Variants in PFKL observed in about 807,000 individuals in gnomAD.
PFKL encodes the protein phosphofructokinase, liver type.
A neutral mutation model predicts 92.1 loss-of-function variants in PFKL; 74 were observed. The ratio of observed to expected loss-of-function variants is 0.80; its 90% CI spans 0.67 to 0.97. The LOEUF (loss-of-function observed/expected upper bound fraction) is 0.97. Ranked by LOEUF, PFKL falls within the 50% of genes least tolerant of loss-of-function variation. The probability of loss-of-function intolerance (pLI) is 0.00; values close to 1 mark genes in which losing one functional copy is unlikely to be tolerated. For missense variants in PFKL, 1,028 were observed against 1,116.6 expected (o/e 0.92, Z 1.13); for synonymous variants, 494 against 456.4 (o/e 1.08, Z -1.05).
Position 44,318,381 on chromosome 21 carries a change from A to G in PFKL, c.937-89A>G. ...TTCCGTCAGCGTGGGGGGCTCTGGA[A>G]GCTGGGGTTTGCACATCTACAGAGG... On this transcript the variant is annotated intron_variant, in intron 9 of 21. Transcript: ENST00000349048. The G allele has an allele frequency of 2.3e-6, 3 of 1,321,954 alleles. No homozygotes were observed. In the South Asian group the frequency reaches 6.2e-5, roughly 27 times the overall value. The allele number at this position is 1,321,954 out of a possible 1,614,324, so 81.9% of individuals were successfully genotyped here.
chr21:44,312,403 G>T, intron 4 of PFKL, 109 bp downstream of exon 4: 1 of 1,032,042 alleles, frequency 9.7e-7, no homozygotes, highest in Non-Finnish European at 1.4e-6. Flanking sequence ...GTGCCCCGAG[G>T]CAGAGGAGGG....
At chr21:44,321,520 C>A (rs1327602569) in intron 12 of PFKL, 1 of 453,856 alleles carries the variant, frequency 2.2e-6, no homozygotes, top group Non-Finnish European at 3.8e-6. Flanking sequence ...CAGGCTTGCA[C>A]CGTGTCTCTT....
intron 6 of PFKL, 44 bp from the exon 7 acceptor site, chr21:44,313,869 C>T (rs74979720): frequency 0.079 from 117,500 of 1,479,800 alleles, 5,142 homozygotes; most frequent in African/African-American, 0.12. Flanking sequence ...CTCCCCTCAA[C>T]GGCTGGGTGG....
intron 10 of PFKL, 111 bp downstream of exon 10, chr21:44,318,706 G>T: frequency 9.8e-7 from 1 of 1,016,290 alleles, no homozygotes; most frequent in Non-Finnish European, 1.3e-6. Context: ...GGAGGGCAGG[G>T]CCTCGTGGCT....
At chr21:44,323,619 G>C (rs892197299) in intron 15 of PFKL, 147 bp from the exon 16 acceptor site, 3 of 769,652 alleles carry the variant, frequency 3.9e-6, no homozygotes, top group African/African-American at 1.7e-5. Context: ...CCAGCCCCAG[G>C]GGATTGAGCA....
chr21:44,304,099 ATG>A (rs2040857724), intron 1 of PFKL, among the ~76,000 whole-genome samples: 2 of 151,408 alleles, frequency 1.3e-5, no homozygotes, highest in Non-Finnish European at 2.9e-5. Flanking sequence ...CAAAGTGGCC[ATG>A]TGACATGGCC....
Position 44,327,143 on chromosome 21 carries a change from G to C in PFKL, c.*281G>C, listed in dbSNP as rs1319516447. 2.0e-6 allele frequency: 1 copy of C among 490,704 alleles called. No individual in the cohort carries two copies. Among genetic ancestry groups the C allele is most frequent in the East Asian group, 3.5e-5 (1 of 28,382 alleles). 30.4% of individuals were successfully genotyped at this position (490,704 alleles called of 1,614,324 possible). ...GCGCTGTCGGTGTTTGGAGGCTGCTGCCCCCTGGCTTTGGCGCCCCATGGG... is the reference window on the plus strand; with the variant it reads ...GCGCTGTCGGTGTTTGGAGGCTGCTCCCCCCTGGCTTTGGCGCCCCATGGG... On this transcript the variant is annotated 3_prime_UTR_variant, in exon 22 of 22. Coordinates refer to ENST00000349048, the MANE Select transcript of PFKL (RefSeq NM_002626.6).
chr21:44,317,632 C>T (rs1014475214), intron 9 of PFKL, among the ~76,000 whole-genome samples: 4 of 152,186 alleles, frequency 2.6e-5, no homozygotes, highest in South Asian at 2.1e-4. Flanking sequence ...CGCCCCTAGC[C>T]GCGGCTGTCA....
chr21:44,309,927 G>A (rs1206314449), intron 2 of PFKL, among the ~76,000 whole-genome samples: 2 of 152,242 alleles, frequency 1.3e-5, no homozygotes, highest in Non-Finnish European at 2.9e-5. Context: ...GCGCCCCGCA[G>A]CGCGCACTAT....
intron 1 of PFKL, among the ~76,000 whole-genome samples, chr21:44,302,133 G>T (rs1195070977): frequency 6.6e-6 from 1 of 152,212 alleles, no homozygotes; most frequent in African/African-American, 2.4e-5. Context: ...ATATGGAGTG[G>T]GCAGCGCTTC....
intron 9 of PFKL, 92 bp from the exon 10 acceptor site, chr21:44,318,378 G>T (rs528648626): frequency 2.3e-6 from 3 of 1,317,920 alleles, no homozygotes; most frequent in African/African-American, 1.5e-5. Context: ...GGGGGGCTCT[G>T]GAAGCTGGGG....
intron 2 of PFKL, among the ~76,000 whole-genome samples, chr21:44,310,154 C>T (rs1304955740): frequency 1.3e-5 from 2 of 152,254 alleles, no homozygotes; most frequent in Non-Finnish European, 2.9e-5. Context: ...CCGCCCTTCT[C>T]CTCTCCACAC....
chr21:44,326,306 G>A, intron 21 of PFKL, 42 bp downstream of exon 21: 1 of 1,449,694 alleles, frequency 6.9e-7, no homozygotes, highest in Non-Finnish European at 9.6e-7. Flanking sequence ...TGGGGCTGAG[G>A]GGTGGCCCAG....
chr21:44,319,480 C>A, intron 11 of PFKL, 65 bp downstream of exon 11: 2 of 1,368,434 alleles, frequency 1.5e-6, no homozygotes, highest in Non-Finnish European at 2.1e-6. Flanking sequence ...GCAGCATGTG[C>A]TGCAGTGGCG....
At position 44,316,290 on chromosome 21, in the gene PFKL, G is replaced by A. The variant is rs2047202699; in HGVS notation, c.794G>A (p.Gly265Asp). 3 of 1,613,284 alleles carry A rather than the reference G, an allele frequency of 1.9e-6. No individual in the cohort carries two copies. The highest frequency in any genetic ancestry group is 2.5e-6 in the Non-Finnish European group (3 of 1,179,974). The part of the protein sequence containing the change: ...SRLNIIIIAE[G>D]AIDRNGKPIS... ...CTGAACATCATCATCATCGCTGAGG[G>A]TGCCATTGACCGCAACGGGAAGCCC... The change falls in exon 8 of 22, where the codon GGT (glycine) becomes GAT (aspartate). Residue 265 changes from glycine to aspartate, a missense_variant. Transcript: ENST00000349048.
chr21:44,306,933 G>A (rs932761430), intron 2 of PFKL, among the ~76,000 whole-genome samples, 179 bp downstream of exon 2: 6 of 152,226 alleles, frequency 3.9e-5, no homozygotes, highest in African/African-American at 2.4e-5. Flanking sequence ...GGCATCTGCA[G>A]AAAGAAGACC....
chr21:44,305,427 T>C (rs1601995887), intron 1 of PFKL: 3 of 933,162 alleles, frequency 3.2e-6, no homozygotes, highest in Non-Finnish European at 3.1e-6. Flanking sequence ...GGTCAGCACC[T>C]CCAGCCTCTG....
chr21:44,305,266 C>T, intron 1 of PFKL: 2 of 1,336,830 alleles, frequency 1.5e-6, no homozygotes, highest in Non-Finnish European at 9.9e-7. Context: ...GGCGTGGCAC[C>T]TCACCTCACA....
chr21:44,315,853 C>T (rs2047188091), intron 7 of PFKL: 1 of 250,068 alleles, frequency 4.0e-6, no homozygotes, highest in South Asian at 4.9e-5. Context: ...CCAGGCTAGC[C>T]CGGGCAGGCC....
Sources: allele counts gnomAD v4.1 joint callset (sites outside exome capture counted in the v4.1 genomes callset), GRCh38; gene constraint gnomAD v4.1.1; transcripts MANE v1.5; gene names NCBI Gene and HGNC (gene_info 2026-07-23, HGNC 2026-07-21).